The following ECPAS variants were observed in gnomAD, a reference collection of about 807,000 sequenced individuals.
The protein encoded by ECPAS is proteasome adapter and scaffold protein ECM29.
In ECPAS, 70 loss-of-function variants were observed where a neutral mutation model predicts 255.1. The ratio of observed to expected loss-of-function variants is 0.27; its 90% confidence interval spans 0.23 to 0.33. ECPAS has a LOEUF of 0.33. ECPAS is among the 10% of genes least tolerant of loss of function. The pLI is 1.00. For synonymous variants in ECPAS, 784 were observed against 775.0 expected (o/e 1.01, Z -0.19); for missense variants, 1,817 against 2,206.4 (o/e 0.82, Z 3.54).
intron 3 of ECPAS, among the ~76,000 whole-genome samples, chr9:111,448,286 A>C (rs1363947992): frequency 6.6e-6 from 1 of 152,168 alleles, no homozygotes; most frequent in Admixed American, 6.5e-5. Flanking sequence ...AGATACAGAC[A>C]AAGTAAATAA....
chr9:111,417,970 T>G lies in ECPAS; in HGVS notation c.1596A>C (p.Leu532Phe), dbSNP rs762559977. 1 of 1,607,746 alleles carries G rather than the reference T, an allele frequency of 6.2e-7. No homozygotes were observed. The highest frequency in any genetic ancestry group is 2.2e-5 in the East Asian group (1 of 44,734). ...TTCTGTTTCTACCTGGAAGACACCT[T>G]AATACGCGTTGTGCTTCTCCATGAA... ...EEVHGEAQRV[L>F]RCLPGRNRKE... is the part of the protein sequence containing the mutation. Residue 532 changes from leucine to phenylalanine, a missense_variant, in exon 17 of 50, where the codon TTA becomes TTC. Coordinates refer to ENST00000684092, the MANE Select transcript of ECPAS (RefSeq NM_001364929.1).
intron 1 of ECPAS, among the ~76,000 whole-genome samples, chr9:111,473,695 G>A (rs1237294292): frequency 5.3e-5 from 8 of 152,282 alleles, no homozygotes; most frequent in African/African-American, 7.2e-5. Flanking sequence ...GGCCAGGCAC[G>A]GTGGCTCACG....
chr9:111,400,762 C>A (rs1272596658), intron 24 of ECPAS, among the ~76,000 whole-genome samples: 4 of 152,072 alleles, frequency 2.6e-5, no homozygotes, highest in Non-Finnish European at 5.9e-5. Context: ...ATGAGATACA[C>A]TTACAAGATC....
At chr9:111,481,794 G>C (rs990388431) in intron 1 of ECPAS, among the ~76,000 whole-genome samples, 1 of 152,142 alleles carries the variant, frequency 6.6e-6, no homozygotes, top group Non-Finnish European at 1.5e-5. Context: ...TCTGACACAC[G>C]CAACAACATG....
chr9:111,454,025 G>C (rs1212879116), intron 2 of ECPAS, among the ~76,000 whole-genome samples: 1 of 151,904 alleles, frequency 6.6e-6, no homozygotes, highest in Non-Finnish European at 1.5e-5. Flanking sequence ...AGGGAGGAAA[G>C]AAAGGCTCAA....
At chr9:111,437,167 T>C (rs2098239427) in intron 6 of ECPAS, 59 bp from the exon 7 acceptor site, 3 of 1,376,932 alleles carry the variant, frequency 2.2e-6, no homozygotes, top group Non-Finnish European at 2.9e-6. Flanking sequence ...CAACTATATA[T>C]GTATACAAAA....
At chr9:111,378,802 G>A in intron 35 of ECPAS, 72 bp from the exon 36 acceptor site, 1 of 1,441,912 alleles carries the variant, frequency 6.9e-7, no homozygotes, top group South Asian at 1.4e-5. Context: ...CTAACCATGA[G>A]GATGTTCTGC....
In ECPAS at chr9:111,362,073, T is replaced by C. The variant is rs1267925950; in HGVS notation, c.5477A>G (p.Glu1826Gly). Residue 1826 changes from glutamate (E) to glycine (G), a missense_variant, in exon 50 of 50, where the codon GAG becomes GGG. Coordinates refer to ENST00000684092, the MANE Select transcript of ECPAS (RefSeq NM_001364929.1). ...TGTTTTCTTCAGTAACGCTGCTTTC[T>C]CCTGCAGTTCAGGTCTGCTGTCTGG... ...MEPDSRPELQEKAALLKKTLE... is the reference protein window; with the variant it reads ...MEPDSRPELQGKAALLKKTLE... The C allele has an allele frequency of 6.2e-7, 1 of 1,612,526 alleles. No individual in the cohort carries two copies.
chr9:111,460,947 A>G (rs2098272382), intron 2 of ECPAS, among the ~76,000 whole-genome samples: 1 of 152,140 alleles, frequency 6.6e-6, no homozygotes, highest in Non-Finnish European at 1.5e-5. Context: ...CAGTGGCTCG[A>G]GCCTATAGTG....
intron 36 of ECPAS, among the ~76,000 whole-genome samples, chr9:111,377,983 A>G (rs2098135471): frequency 6.6e-6 from 1 of 152,014 alleles, no homozygotes; most frequent in African/African-American, 2.4e-5. Context: ...TGTCTCTACT[A>G]AAAATACAAA....
chr9:111,406,108 A>C (rs938045888), intron 24 of ECPAS, among the ~76,000 whole-genome samples: 1 of 149,988 alleles, frequency 6.7e-6, no homozygotes, highest in African/African-American at 2.5e-5. Flanking sequence ...AGCCAAAACA[A>C]GAAATCAAGC....
intron 36 of ECPAS, among the ~76,000 whole-genome samples, chr9:111,377,330 A>G (rs1284157879): frequency 3.3e-5 from 5 of 152,252 alleles, no homozygotes; most frequent in Non-Finnish European, 7.3e-5. Context: ...ATAGAAAAAT[A>G]GACATGGAAC....
intron 9 of ECPAS, among the ~76,000 whole-genome samples, chr9:111,429,338 TG>T (rs2098226431): frequency 6.6e-6 from 1 of 152,154 alleles, no homozygotes; most frequent in African/African-American, 2.4e-5. Flanking sequence ...CTTTGATATG[TG>T]GTAGGAACCT....
intron 9 of ECPAS, among the ~76,000 whole-genome samples, chr9:111,429,764 G>A (rs1282978401): frequency 2.0e-5 from 3 of 152,216 alleles, no homozygotes; most frequent in South Asian, 2.1e-4. Context: ...AGCTACTCAA[G>A]AGACTGAGGC....
intron 2 of ECPAS, among the ~76,000 whole-genome samples, chr9:111,460,320 G>C (rs140016534): frequency 1.3e-5 from 2 of 152,210 alleles, no homozygotes; most frequent in East Asian, 3.9e-4. Context: ...AGACAAGGAA[G>C]AAAAGAGAAC....
At chr9:111,386,324 A>AG in intron 32 of ECPAS, 53 bp downstream of exon 32, 2 of 1,144,036 alleles carry the variant, frequency 1.7e-6, no homozygotes, top group South Asian at 2.7e-5. Context: ...GAAATTTTGA[A>AG]GGGAAAAAAA....
At chr9:111,388,817 T>C (rs937811548) in intron 31 of ECPAS, among the ~76,000 whole-genome samples, 1 of 152,134 alleles carries the variant, frequency 6.6e-6, no homozygotes, top group African/African-American at 2.4e-5. Flanking sequence ...AAATAAAGTA[T>C]GACACCAAGT....
In ECPAS at chr9:111,394,792, G is replaced by C. The variant is rs987000114; in HGVS notation, c.2777-487C>G. Among the ~76,000 whole-genome samples the C allele has an allele frequency of 2.0e-5, 3 of 152,110 alleles. No individual in the cohort carries two copies. The East Asian group carries it at 5.8e-4, about 29-fold the overall frequency. The stretch of plus-strand genomic sequence containing the variant: ...CAGCATCCTGTGCCTTCACCCACTA[G>C]AGACCAGTGGCACCCACCCTCCCCA... On this transcript the variant is annotated intron_variant, in intron 25 of 49. Transcript: ENST00000684092.
intron 2 of ECPAS, among the ~76,000 whole-genome samples, chr9:111,457,817 C>T (rs1564559016): frequency 6.6e-6 from 1 of 152,188 alleles, no homozygotes; most frequent in Admixed American, 6.5e-5. Context: ...AAAAATAAAT[C>T]TCCTATCCTT....
Sources: allele counts gnomAD v4.1 joint callset (sites outside exome capture counted in the v4.1 genomes callset), GRCh38; gene constraint gnomAD v4.1.1; transcripts MANE v1.5; gene names NCBI Gene and HGNC (gene_info 2026-07-23, HGNC 2026-07-21).